The following RANBP2 variants were observed in gnomAD, a reference collection of about 807,000 sequenced individuals.
RANBP2 encodes RAN binding protein 2.
RANBP2 carries 57 observed loss-of-function variants against 303.6 expected under a neutral mutation model. The ratio of observed to expected loss-of-function variants is 0.19; its 90% CI spans 0.15 to 0.23. RANBP2 has a LOEUF of 0.23. Ranked by LOEUF, RANBP2 falls within the 10% of genes least tolerant of loss-of-function variation. RANBP2 has a pLI of 1.00. For synonymous variants in RANBP2, 1,167 were observed against 1,301.5 expected, an observed-to-expected ratio of 0.90 and a Z score of 2.23; for missense variants, 3,138 against 3,780.8, an observed-to-expected ratio of 0.83 and a Z score of 4.46.
chr2:109,115,891 G>T, the RANBP2 span, among the ~76,000 whole-genome samples: 1 of 152,110 alleles, frequency 6.6e-6, no homozygotes, highest in African/African-American at 2.4e-5. Context: ...CATTTATGAA[G>T]CTTAGTTTGG....
the RANBP2 span, among the ~76,000 whole-genome samples, chr2:108,823,562 C>T: frequency 6.6e-6 from 1 of 152,230 alleles, no homozygotes; most frequent in Non-Finnish European, 1.5e-5. Flanking sequence ...CCTGTTGTTC[C>T]TAGGCTGTGA....
the RANBP2 span, among the ~76,000 whole-genome samples, chr2:109,356,418 T>A: frequency 6.6e-6 from 1 of 152,182 alleles, no homozygotes; most frequent in Non-Finnish European, 1.5e-5. Context: ...CATGGCAGGG[T>A]CCACTGCTCA....
At chr2:109,509,742 G>T in the RANBP2 span, among the ~76,000 whole-genome samples, 1 of 151,824 alleles carries the variant, frequency 6.6e-6, no homozygotes, top group Non-Finnish European at 1.5e-5. Flanking sequence ...GCCAGATTAG[G>T]CCCACCAATG....
At chr2:109,670,348 T>G in the RANBP2 span, among the ~76,000 whole-genome samples, 3 of 112,050 alleles carry the variant, frequency 2.7e-5, no homozygotes, top group South Asian at 3.3e-4. Flanking sequence ...GGGGGTGCTA[T>G]TGGGGGCCAG....
chr2:108,957,714 G>A, the RANBP2 span, among the ~76,000 whole-genome samples: 1 of 152,222 alleles, frequency 6.6e-6, no homozygotes, highest in African/African-American at 2.4e-5. Flanking sequence ...ACCAGGCGAG[G>A]CTAGTGGAGG....
At chr2:109,362,780 T>A in the RANBP2 span, among the ~76,000 whole-genome samples, 3 of 152,240 alleles carry the variant, frequency 2.0e-5, no homozygotes, top group Non-Finnish European at 4.4e-5. Flanking sequence ...TAAGGATTAT[T>A]ATGTCTTCTT....
chr2:109,617,615 G>C, the RANBP2 span: 2 of 167,000 alleles, frequency 1.2e-5, no homozygotes, highest in African/African-American at 4.8e-5. Context: ...CACAGCCTGC[G>C]GGGTGAATGA....
At chr2:109,294,578 T>TA in the RANBP2 span, among the ~76,000 whole-genome samples, 9 of 124,998 alleles carry the variant, frequency 7.2e-5, no homozygotes, top group South Asian at 2.7e-4. Flanking sequence ...AAAAATTAAT[T>TA]AAAAAAAAGG....
chr2:109,069,132 AC>A, the RANBP2 span, among the ~76,000 whole-genome samples: 1 of 152,244 alleles, frequency 6.6e-6, no homozygotes, highest in Non-Finnish European at 1.5e-5. Flanking sequence ...TCAAAATAGT[AC>A]TAATAAATTT....
At chr2:109,565,798 A>G in the RANBP2 span, 145 of 1,614,094 alleles carry the variant, frequency 9.0e-5, 1 homozygote, top group African/African-American at 1.5e-3. Flanking sequence ...GCGAGCTTTG[A>G]CCATCTTGTT....
the RANBP2 span, among the ~76,000 whole-genome samples, chr2:109,112,361 A>G: frequency 6.6e-6 from 1 of 150,388 alleles, no homozygotes; most frequent in Non-Finnish European, 1.5e-5. Flanking sequence ...TGTGGTTTTG[A>G]TTTGCATTTC....
the RANBP2 span, chr2:108,794,433 T>C: frequency 2.9e-6 from 3 of 1,033,742 alleles, no homozygotes; most frequent in Non-Finnish European, 4.0e-6. Context: ...TGAAACTTTT[T>C]AATGTTATAT....
the RANBP2 span, among the ~76,000 whole-genome samples, chr2:109,405,732 C>T: frequency 6.6e-6 from 1 of 152,220 alleles, no homozygotes; most frequent in Non-Finnish European, 1.5e-5. Context: ...AAATCAATTC[C>T]CCCACTGTCT....
the RANBP2 span, among the ~76,000 whole-genome samples, chr2:109,695,400 G>T: frequency 1.3e-5 from 2 of 152,168 alleles, no homozygotes; most frequent in Non-Finnish European, 2.9e-5. Flanking sequence ...TGGATCCTCT[G>T]CAATCTCCTT....
chr2:109,116,389 C>A, the RANBP2 span, among the ~76,000 whole-genome samples: 1 of 152,154 alleles, frequency 6.6e-6, no homozygotes, highest in Non-Finnish European at 1.5e-5. Flanking sequence ...TTTCATCTTC[C>A]ATCACTGATA....
the RANBP2 span, among the ~76,000 whole-genome samples, chr2:108,805,943 G>A: frequency 6.6e-6 from 1 of 152,046 alleles, no homozygotes; most frequent in Non-Finnish European, 1.5e-5. Context: ...AGTAAACCCC[G>A]TCACTTTGAA....
At chr2:109,016,427 C>G in the RANBP2 span, among the ~76,000 whole-genome samples, 1 of 152,148 alleles carries the variant, frequency 6.6e-6, no homozygotes, top group Non-Finnish European at 1.5e-5. Context: ...CCCTTTCCTT[C>G]CCATGAGACT....
chr2:109,327,051 A>C, the RANBP2 span, among the ~76,000 whole-genome samples: 2 of 152,250 alleles, frequency 1.3e-5, no homozygotes, highest in African/African-American at 4.8e-5. Flanking sequence ...CTTTTGATAA[A>C]TGGAAGGTTT....
At chr2:109,380,074 A>G in the RANBP2 span, among the ~76,000 whole-genome samples, 1 of 152,172 alleles carries the variant, frequency 6.6e-6, no homozygotes, top group Non-Finnish European at 1.5e-5. Context: ...AGTCGCATTC[A>G]TGGTTGGGGT....
Sources: allele counts gnomAD v4.1 joint callset (sites outside exome capture counted in the v4.1 genomes callset), GRCh38; gene constraint gnomAD v4.1.1; transcripts MANE v1.5; gene names NCBI Gene and HGNC (gene_info 2026-07-23, HGNC 2026-07-21).